The following LRRC8D variants were observed in gnomAD, a reference collection of about 807,000 sequenced individuals.
The protein encoded by LRRC8D is leucine rich repeat containing 8 VRAC subunit D, also known as volume-regulated anion channel subunit LRRC8D.
A neutral mutation model predicts 55.8 loss-of-function variants in LRRC8D; 20 were observed. The observed-to-expected ratio is 0.36, with a 90% CI of 0.25 to 0.52. The LOEUF (loss-of-function observed/expected upper bound fraction) is 0.52. LRRC8D is among the 20% of genes least tolerant of loss of function. The probability of loss-of-function intolerance (pLI) is 0.93; values close to 1 mark genes in which losing one functional copy is unlikely to be tolerated. For synonymous variants in LRRC8D, 352 were observed against 377.0 expected (o/e 0.93, Z 0.77); for missense variants, 651 against 1,030.8 (o/e 0.63, Z 5.05).
At chr1:89,928,163 G>A (rs1443021638) in intron 2 of LRRC8D, among the ~76,000 whole-genome samples, 1 of 152,120 alleles carries the variant, frequency 6.6e-6, no homozygotes, top group East Asian at 1.9e-4. Context: ...TCCGCCACCC[G>A]GTTTCGAGCA....
intron 2 of LRRC8D, among the ~76,000 whole-genome samples, chr1:89,869,928 T>C (rs1307730200): frequency 6.6e-6 from 1 of 151,372 alleles, no homozygotes; most frequent in African/African-American, 2.4e-5. Flanking sequence ...ACCAGTGTGG[T>C]GAAACCCTGT....
chr1:89,879,412 G>A (rs942662686), intron 2 of LRRC8D, among the ~76,000 whole-genome samples: 5 of 152,158 alleles, frequency 3.3e-5, no homozygotes, highest in African/African-American at 7.2e-5. Context: ...AACTAGAGCC[G>A]TCCAGTAGTT....
At chr1:89,931,061 G>A (rs113325762) in intron 2 of LRRC8D, among the ~76,000 whole-genome samples, 53 of 126,712 alleles carry the variant, frequency 4.2e-4, no homozygotes, top group African/African-American at 1.5e-3. Flanking sequence ...TCATACTTAA[G>A]CCCTGAAGTC....
Position 89,835,496 on chromosome 1 carries a change from T to A in LRRC8D, c.-147-8142T>A, listed in dbSNP as rs1013676591. Among the ~76,000 whole-genome samples the A allele has an allele frequency of 3.9e-5, 6 of 152,210 alleles. No individual in the cohort carries two copies. The South Asian group carries it at 1.2e-3, about 31-fold the overall frequency. On this transcript the variant is annotated intron_variant, in intron 1 of 2. Transcript: ENST00000337338. ...AATCTAGAATGTGGGATGGCTCTAA[T>A]CCTTATGCCCCTGTGCTAGATTTCT...
intron 2 of LRRC8D, among the ~76,000 whole-genome samples, chr1:89,844,598 A>T (rs1388453453): frequency 3.9e-5 from 6 of 152,218 alleles, no homozygotes; most frequent in African/African-American, 1.4e-4. Context: ...ACTTTTCTCA[A>T]ATTCACCAGG....
intron 2 of LRRC8D, among the ~76,000 whole-genome samples, chr1:89,869,437 C>A (rs1661940188): frequency 1.3e-5 from 2 of 152,168 alleles, no homozygotes; most frequent in Non-Finnish European, 2.9e-5. Flanking sequence ...CAAACAAAGC[C>A]TCCAAGAAAT....
intron 2 of LRRC8D, among the ~76,000 whole-genome samples, chr1:89,921,958 C>A (rs1663430732): frequency 6.6e-6 from 1 of 152,184 alleles, no homozygotes; most frequent in South Asian, 2.1e-4. Context: ...CCAAGCTACC[C>A]ACATTTACCC....
chr1:89,875,051 T>G (rs933654596), intron 2 of LRRC8D, among the ~76,000 whole-genome samples: 1 of 152,210 alleles, frequency 6.6e-6, no homozygotes, highest in African/African-American at 2.4e-5. Flanking sequence ...GGGGGGAATA[T>G]CTATCCCATC....
intron 2 of LRRC8D, among the ~76,000 whole-genome samples, chr1:89,884,367 C>T (rs1212404027): frequency 1.3e-5 from 2 of 152,158 alleles, no homozygotes; most frequent in Non-Finnish European, 2.9e-5. Context: ...AAAATAATAC[C>T]TAACATCTGT....
At chr1:89,838,799 G>A (rs1156674352) in intron 1 of LRRC8D, among the ~76,000 whole-genome samples, 1 of 152,128 alleles carries the variant, frequency 6.6e-6, no homozygotes, top group Non-Finnish European at 1.5e-5. Context: ...TTGATCAGTG[G>A]ATCAGTCTTA....
At chr1:89,857,045 G>A (rs938239690) in intron 2 of LRRC8D, among the ~76,000 whole-genome samples, 1 of 152,074 alleles carries the variant, frequency 6.6e-6, no homozygotes, top group East Asian at 1.9e-4. Context: ...ATATGTATGT[G>A]TATGCGTAGA....
At chr1:89,910,341 T>C (rs989621859) in intron 2 of LRRC8D, among the ~76,000 whole-genome samples, 6 of 152,222 alleles carry the variant, frequency 3.9e-5, no homozygotes, top group African/African-American at 1.4e-4. Context: ...TGTCTCATAG[T>C]AGTTTGTGAG....
chr1:89,874,870 A>G (rs2100832599), intron 2 of LRRC8D, among the ~76,000 whole-genome samples: 1 of 152,352 alleles, frequency 6.6e-6, no homozygotes, highest in East Asian at 1.9e-4. Flanking sequence ...ATGTTTATTC[A>G]TAAATTCATT....
chr1:89,873,826 C>G (rs148417618), intron 2 of LRRC8D, among the ~76,000 whole-genome samples: 4 of 152,098 alleles, frequency 2.6e-5, no homozygotes, highest in African/African-American at 9.7e-5. Context: ...TTTAGAGTGC[C>G]GTTTGATAAT....
intron 2 of LRRC8D, among the ~76,000 whole-genome samples, chr1:89,914,554 G>A (rs1047836540): frequency 2.0e-5 from 3 of 152,134 alleles, no homozygotes; most frequent in Non-Finnish European, 2.9e-5. Flanking sequence ...CTATACTTAC[G>A]TTTATATGTC....
At position 89,827,636 on chromosome 1, in the gene LRRC8D, A is replaced by G. The variant is rs528285579; in HGVS notation, c.-148+6345A>G. ...ATGGCATGGAGGCCTATGAAACCAC[A>G]AGGATAGGGCCATAGGCAGCCTTGA... On this transcript the variant is annotated intron_variant, in intron 1 of 2. Coordinates refer to ENST00000337338, the MANE Select transcript of LRRC8D (RefSeq NM_001134479.2). 3.3e-5 allele frequency among the ~76,000 whole-genome samples: 5 copies of G among 152,324 alleles called. No individual in the cohort carries two copies. The East Asian group carries it at 9.6e-4, about 29-fold the overall frequency.
At chr1:89,890,310 T>C (rs901028935) in intron 2 of LRRC8D, among the ~76,000 whole-genome samples, 10 of 152,206 alleles carry the variant, frequency 6.6e-5, no homozygotes, top group African/African-American at 1.9e-4. Flanking sequence ...TGATTGATGC[T>C]CTTGATAATG....
chr1:89,858,489 C>T (rs1442760475), intron 2 of LRRC8D, among the ~76,000 whole-genome samples: 2 of 152,112 alleles, frequency 1.3e-5, no homozygotes, highest in Non-Finnish European at 1.5e-5. Flanking sequence ...TAGAGGTTTA[C>T]ATATAAACCA....
intron 1 of LRRC8D, chr1:89,822,209 A>T (rs1660653050): frequency 6.6e-6 from 1 of 152,268 alleles, no homozygotes; most frequent in Non-Finnish European, 1.5e-5. Context: ...GGAGAGGGAG[A>T]GGTGGGCTGT....
Sources: allele counts gnomAD v4.1 joint callset (sites outside exome capture counted in the v4.1 genomes callset), GRCh38; gene constraint gnomAD v4.1.1; transcripts MANE v1.5; gene names NCBI Gene and HGNC (gene_info 2026-07-23, HGNC 2026-07-21).